The following FAM193A variants were observed in gnomAD, a reference collection of about 807,000 sequenced individuals.
FAM193A encodes the protein family with sequence similarity 193 member A.
In FAM193A, 22 loss-of-function variants were observed where a neutral mutation model predicts 126.5. The ratio of observed to expected loss-of-function variants is 0.17; its 90% CI spans 0.12 to 0.25. The LOEUF is 0.25. Ranked by LOEUF, FAM193A falls within the 10% of genes least tolerant of loss-of-function variation. The pLI is 1.00. For synonymous variants in FAM193A, 761 were observed against 646.8 expected, an observed-to-expected ratio of 1.18 and a Z score of -2.68; for missense variants, 1,675 against 1,672.8, an observed-to-expected ratio of 1.00 and a Z score of -0.02.
At chr4:2,723,164 G>C (rs1165264309) in intron 20 of FAM193A, among the ~76,000 whole-genome samples, 5 of 152,100 alleles carry the variant, frequency 3.3e-5, no homozygotes, top group African/African-American at 1.2e-4. Flanking sequence ...GTCCCAGCTA[G>C]TCAGGAGGCT....
In FAM193A at chr4:2,716,103, A is replaced by C; in HGVS notation, c.4453A>C (p.Arg1485=). The C allele has an allele frequency of 6.3e-7, 1 of 1,586,386 alleles. No homozygotes were observed. The highest frequency in any genetic ancestry group is 8.7e-7 in the Non-Finnish European group (1 of 1,154,558). Residue 1485 remains arginine (R), a splice_region_variant and synonymous_variant, in exon 20 of 21, where the codon AGG becomes CGG. Coordinates refer to ENST00000637812, the MANE Select transcript of FAM193A (RefSeq NM_001366318.2). The part of the protein sequence containing the change: ...ETEREVEYFK[R]FCLDSARQTR... ...AGAGAGGGAAGTGGAATATTTCAAA[A>C]GGTAAATGTGGAGGCTGTGTCTGAA...
Position 2,631,141 on chromosome 4 carries a change from G to T in FAM193A, c.1010G>T (p.Arg337Leu), listed in dbSNP as rs759576739. 6.2e-7 allele frequency: 1 copy of T among 1,612,316 alleles called. No individual in the cohort carries two copies. The highest frequency in any genetic ancestry group is 1.3e-5 in the African/African-American group (1 of 74,898). Residue 337 changes from arginine (R) to leucine (L), a missense_variant, in exon 5 of 21, where the codon CGC (arginine) becomes CTC (leucine). Arg to Leu is a moderately radical substitution (Grantham distance 102). Around this residue, in one of 4 missense-constraint regions of FAM193A, gnomAD observed 1,186 missense variants for 1,109.2 expected, o/e 1.07. Transcript: ENST00000637812. ...EEYGALCQAA[R>L]SISTFLGTLE... ...TACGGCGCCCTCTGCCAGGCCGCAC[G>T]CTCCATCAGCACCTTCCTTGGCACT...
intron 1 of FAM193A, among the ~76,000 whole-genome samples, chr4:2,594,890 G>A (rs1408358443): frequency 1.7e-4 from 23 of 132,648 alleles, no homozygotes; most frequent in African/African-American, 6.1e-4. Context: ...ATGCAGTGGC[G>A]TGATCTTGGC....
At position 2,700,394 on chromosome 4, in the gene FAM193A, G is replaced by T. The variant is rs1717581305; in HGVS notation, c.4222G>T (p.Asp1408Tyr). The T allele has an allele frequency of 6.2e-7, 1 of 1,614,100 alleles. No homozygotes were observed. The highest frequency in any genetic ancestry group is 8.5e-7 in the Non-Finnish European group (1 of 1,180,036). The part of the protein sequence containing the change: ...NNKKQLNHIK[D>Y]EKSNPTPMEP... ...CAAAAAGCAGCTGAACCACATCAAGGACGAAAAGTCAAACCCAACCCCTAT... is the reference window on the plus strand; with the variant it reads ...CAAAAAGCAGCTGAACCACATCAAGTACGAAAAGTCAAACCCAACCCCTAT... Residue 1408 changes from aspartate (D) to tyrosine (Y), a missense_variant, in exon 19 of 21, where the codon GAC becomes TAC. Physicochemically the swap from Asp to Tyr is radical, Grantham distance 160. Around this residue, in one of 4 missense-constraint regions of FAM193A, gnomAD observed 415 missense variants for 396.7 expected, o/e 1.05. Transcript: ENST00000637812.
At chr4:2,670,835 A>G (rs1239991025) in intron 12 of FAM193A, among the ~76,000 whole-genome samples, 1 of 152,032 alleles carries the variant, frequency 6.6e-6, no homozygotes. Context: ...ATAATGTGAT[A>G]ATTTTGCATT....
chr4:2,612,934 A>G (rs946289552), intron 2 of FAM193A, among the ~76,000 whole-genome samples: 1 of 152,224 alleles, frequency 6.6e-6, no homozygotes, highest in Admixed American at 6.5e-5. Context: ...TTTAGAGCCA[A>G]CTTGTCAGTT....
At chr4:2,585,748 A>G (rs61790214) in intron 1 of FAM193A, among the ~76,000 whole-genome samples, 102,899 of 152,002 alleles carry the variant, frequency 0.68, 36,303 homozygotes, top group African/African-American at 0.88. Flanking sequence ...CCAACATGGC[A>G]AAACCCCGTC....
rs528357014 is a variant in FAM193A at position 2,686,387 on chromosome 4, C to G, written c.2332-3119C>G. ...AATATGTGCCAGGCCCTGTGCTAGA[C>G]TCTAGGAAGACAAAAATCGGTTAGT... On this transcript the variant is annotated intron_variant, in intron 13 of 20. Coordinates refer to ENST00000637812, the MANE Select transcript of FAM193A (RefSeq NM_001366318.2). Among the ~76,000 whole-genome samples the G allele has an allele frequency of 2.6e-5, 4 of 152,174 alleles. No individual in the cohort carries two copies. The South Asian group carries it at 8.3e-4, about 32-fold the overall frequency.
chr4:2,663,410 G>C (rs1411089656), intron 12 of FAM193A, 122 bp downstream of exon 12: 16 of 721,342 alleles, frequency 2.2e-5, no homozygotes, highest in African/African-American at 1.8e-5. Flanking sequence ...TAGAACTGAA[G>C]AGAGTCAAGG....
intron 1 of FAM193A, among the ~76,000 whole-genome samples, chr4:2,566,493 C>T (rs974253958): frequency 3.3e-5 from 5 of 152,018 alleles, no homozygotes; most frequent in African/African-American, 1.2e-4. Flanking sequence ...AGTTTGAGAC[C>T]AGCCTGGCCA....
At chr4:2,571,085 C>G (rs878913873) in intron 1 of FAM193A, among the ~76,000 whole-genome samples, 5 of 152,198 alleles carry the variant, frequency 3.3e-5, no homozygotes, top group Admixed American at 2.6e-4. Context: ...TGTCACCTTA[C>G]CCATAGGCTC....
chr4:2,676,026 C>T (rs920544687), intron 13 of FAM193A, among the ~76,000 whole-genome samples: 4 of 152,214 alleles, frequency 2.6e-5, no homozygotes, highest in African/African-American at 7.2e-5. Context: ...TTTTGTGTCT[C>T]CATCAGTGAA....
chr4:2,656,162 G>T (rs1224921485), intron 7 of FAM193A, among the ~76,000 whole-genome samples: 1 of 152,130 alleles, frequency 6.6e-6, no homozygotes, highest in East Asian at 1.9e-4. Context: ...TTGTATAAAG[G>T]TTGTGCTAGC....
At chr4:2,595,273 C>T (rs1740795032) in intron 1 of FAM193A, among the ~76,000 whole-genome samples, 1 of 152,170 alleles carries the variant, frequency 6.6e-6, no homozygotes, top group South Asian at 2.1e-4. Flanking sequence ...GGTCTCAAAC[C>T]TCTGAGCTCA....
chr4:2,699,886 G>C lies in FAM193A; in HGVS notation c.3714G>C (p.Lys1238Asn). The part of the protein sequence containing the change: ...KKERPSKDCP[K>N]LDMLTRNFQA... The stretch of plus-strand genomic sequence containing the variant: ...AGAGGCCAAGTAAAGACTGCCCCAA[G>C]TTGGACATGCTCACTAGAAATTTCC... Residue 1238 changes from lysine (K) to asparagine (N), a missense_variant, in exon 19 of 21, where the codon AAG becomes AAC. Coordinates refer to ENST00000637812, the MANE Select transcript of FAM193A (RefSeq NM_001366318.2). The C allele has an allele frequency of 6.2e-7, 1 of 1,614,102 alleles. No individual in the cohort carries two copies. Among genetic ancestry groups the C allele is most frequent in the Non-Finnish European group, 8.5e-7 (1 of 1,180,020 alleles).
intron 2 of FAM193A, among the ~76,000 whole-genome samples, chr4:2,621,358 G>T (rs1742534997): frequency 6.6e-6 from 1 of 152,162 alleles, no homozygotes; most frequent in South Asian, 2.1e-4. Flanking sequence ...CCCTCAGTAG[G>T]TGATCTTTTT....
chr4:2,566,884 T>C (rs1738994140), intron 1 of FAM193A, among the ~76,000 whole-genome samples: 1 of 152,120 alleles, frequency 6.6e-6, no homozygotes, highest in African/African-American at 2.4e-5. Context: ...CTGATTACTA[T>C]GTAAGAACAA....
chr4:2,716,441 T>A (rs1027560726), intron 20 of FAM193A, among the ~76,000 whole-genome samples: 1 of 152,084 alleles, frequency 6.6e-6, no homozygotes, highest in Non-Finnish European at 1.5e-5. Context: ...CTCCTGGGGA[T>A]ACAGGCCCCT....
At chr4:2,563,355 T>A (rs944303765) in intron 1 of FAM193A, among the ~76,000 whole-genome samples, 2 of 152,216 alleles carry the variant, frequency 1.3e-5, no homozygotes, top group South Asian at 4.1e-4. Context: ...TGGCATTTAA[T>A]GAGCACTCAG....
Sources: gnomAD v4.1 joint callset for allele counts (sites outside exome capture counted in the v4.1 genomes callset) on GRCh38, gnomAD v4.1.1 for gene constraint, gnomAD v4.1.1 regional missense constraint, MANE v1.5 for transcripts, NCBI Gene and HGNC (gene_info 2026-07-23, HGNC 2026-07-21) for gene names.